The following KIAA1549 variants were observed in gnomAD, a reference collection of about 807,000 sequenced individuals.
KIAA1549 encodes the protein KIAA1549, also known as UPF0606 protein KIAA1549.
KIAA1549 carries 70 observed loss-of-function variants against 156.4 expected under a neutral mutation model. The ratio of observed to expected loss-of-function variants is 0.45; its 90% CI spans 0.37 to 0.55. The LOEUF is 0.55. Among genes scored for constraint, KIAA1549 ranks in the 20% least tolerant of loss-of-function variants. The pLI is 0.00. For synonymous variants in KIAA1549, 1,103 were observed against 1,066.4 expected (o/e 1.03, Z -0.67); for missense variants, 2,428 against 2,540.9 (o/e 0.96, Z 0.96).
chr7:138,969,152 C>A (rs891876261), intron 1 of KIAA1549, among the ~76,000 whole-genome samples: 5 of 152,192 alleles, frequency 3.3e-5, no homozygotes, highest in Non-Finnish European at 5.9e-5. Flanking sequence ...TTAGCTCCCC[C>A]AAATTGACCA....
At chr7:138,856,141 CCT>C (rs1027342458) in intron 16 of KIAA1549, among the ~76,000 whole-genome samples, 3 of 151,828 alleles carry the variant, frequency 2.0e-5, no homozygotes, top group African/African-American at 4.8e-5. Flanking sequence ...ACGCCATTCT[CCT>C]GTCTCAGCCT....
chr7:138,910,187 A>C (rs1196253232), intron 4 of KIAA1549, among the ~76,000 whole-genome samples: 1 of 152,108 alleles, frequency 6.6e-6, no homozygotes, highest in African/African-American at 2.4e-5. Flanking sequence ...CTGTTAAACT[A>C]TTCTACGTAC....
rs1230716907 is a variant in KIAA1549 at position 138,832,803 on chromosome 7, T to G, written c.*5103A>C. The G allele has an allele frequency of 4.5e-6, 1 of 224,466 alleles. No homozygotes were observed. The highest frequency in any genetic ancestry group is 8.9e-6 in the Non-Finnish European group (1 of 112,738). 13.9% of individuals were successfully genotyped at this position (224,466 alleles called of 1,614,324 possible). A position where few individuals can be genotyped will look rare whatever the true frequency, so the allele number is the denominator to read the frequency against. ...ATGATGTTGCGATTTCCAAGTCATC[T>G]TCATAGTGGAGAAAGTAGTCCTGTT... On this transcript the variant is annotated 3_prime_UTR_variant, in exon 20 of 20. Coordinates refer to ENST00000422774, the MANE Select transcript of KIAA1549 (RefSeq NM_001164665.2).
rs1809646203 is a variant in KIAA1549 at position 138,834,526 on chromosome 7, C to G, written c.*3380G>C. ...CATCTTCTATACCCACTCGTGCTAT[C>G]TTAGATTCTAAAATCTCAGAAGGCA... On this transcript the variant is annotated 3_prime_UTR_variant, in exon 20 of 20. Transcript: ENST00000422774. The G allele has an allele frequency of 4.4e-6, 1 of 227,972 alleles. No homozygotes were observed. The allele number at this position is 227,972 out of a possible 1,614,324, so 14.1% of individuals were successfully genotyped here.
At chr7:138,862,570 T>C (rs1352389235) in intron 15 of KIAA1549, among the ~76,000 whole-genome samples, 1 of 151,324 alleles carries the variant, frequency 6.6e-6, no homozygotes, top group Admixed American at 6.6e-5. Context: ...ACAATATCTA[T>C]TTTATGAAAA....
chr7:138,944,270 C>A (rs1005877336), intron 1 of KIAA1549, among the ~76,000 whole-genome samples: 6 of 152,118 alleles, frequency 3.9e-5, no homozygotes, highest in Admixed American at 2.0e-4. Flanking sequence ...ACTTTTCACT[C>A]AAAAGCCACA....
intron 1 of KIAA1549, among the ~76,000 whole-genome samples, chr7:138,942,066 C>T (rs886653335): frequency 6.6e-6 from 1 of 152,128 alleles, no homozygotes; most frequent in African/African-American, 2.4e-5. Context: ...ATCCTTCTCA[C>T]GTCATTGGTG....
chr7:138,963,692 A>G (rs1813924572), intron 1 of KIAA1549, among the ~76,000 whole-genome samples: 1 of 152,238 alleles, frequency 6.6e-6, no homozygotes, highest in Non-Finnish European at 1.5e-5. Context: ...TTTTGAACAA[A>G]GTACTCATTT....
In KIAA1549 at chr7:138,866,958, A is replaced by T. The variant is rs534248145; in HGVS notation, c.4929+1017T>A. On this transcript the variant is annotated intron_variant, in intron 15 of 19. Transcript: ENST00000422774. Reference sequence around the variant, plus strand: ...GCTGGGATTACAGGCATGCACCACCACGCCTGGCTAATTTCTGTATTTTTT... The same window carrying T: ...GCTGGGATTACAGGCATGCACCACCTCGCCTGGCTAATTTCTGTATTTTTT... 1.1e-3 allele frequency among the ~76,000 whole-genome samples: 171 copies of T among 151,944 alleles called. 1 individual carries two copies. The highest frequency in any genetic ancestry group is 3.8e-3 in the African/African-American group (156 of 41,438).
chr7:138,864,233 G>A (rs555636395), intron 15 of KIAA1549, among the ~76,000 whole-genome samples: 8 of 152,296 alleles, frequency 5.3e-5, no homozygotes, highest in Admixed American at 3.9e-4. Flanking sequence ...TGTGGGAAAC[G>A]ATCTCAGACA....
intron 1 of KIAA1549, among the ~76,000 whole-genome samples, chr7:138,945,692 G>A (rs565283653): frequency 2.0e-5 from 3 of 152,320 alleles, no homozygotes; most frequent in African/African-American, 4.8e-5. Context: ...AAACCAGAAC[G>A]CTAACACTTT....
At chr7:138,881,241 C>A (rs6968792) in intron 11 of KIAA1549, 147 bp downstream of exon 11, 2 of 698,340 alleles carry the variant, frequency 2.9e-6, no homozygotes, top group African/African-American at 1.8e-5. Flanking sequence ...TCTTGGGCTC[C>A]TGTGTGACTT....
At chr7:138,854,034 T>C (rs1178681551) in intron 16 of KIAA1549, among the ~76,000 whole-genome samples, 10 of 152,162 alleles carry the variant, frequency 6.6e-5, no homozygotes, top group African/African-American at 2.2e-4. Context: ...AAAAAGAATG[T>C]CATATTTCTA....
In KIAA1549 at chr7:138,837,572, T is replaced by C. The variant is rs1809755917; in HGVS notation, c.*334A>G. ...CTTGGTTCCTTTCATCCCTATGCTG[T>C]CTATACAGTTTAATCTCTACCTTTA... On this transcript the variant is annotated 3_prime_UTR_variant, in exon 20 of 20. Transcript: ENST00000422774. 1 of 476,866 alleles carries C rather than the reference T, an allele frequency of 2.1e-6. No individual in the cohort carries two copies. Among genetic ancestry groups the C allele is most frequent in the Non-Finnish European group, 3.7e-6 (1 of 272,114 alleles). 29.5% of individuals were successfully genotyped at this position (476,866 alleles called of 1,614,324 possible). A position where few individuals can be genotyped will look rare whatever the true frequency, so the allele number is the denominator to read the frequency against.
At chr7:138,854,039 T>A (rs886416008) in intron 16 of KIAA1549, among the ~76,000 whole-genome samples, 1 of 152,174 alleles carries the variant, frequency 6.6e-6, no homozygotes, top group Non-Finnish European at 1.5e-5. Context: ...GAATGTCATA[T>A]TTCTAGGGAC....
intron 3 of KIAA1549, 43 bp from the exon 4 acceptor site, chr7:138,911,366 A>C (rs1207980907): frequency 1.4e-6 from 2 of 1,415,130 alleles, no homozygotes; most frequent in African/African-American, 2.9e-5. Context: ...ACTTAAAGGA[A>C]GTTGTGTTAC....
chr7:138,902,236 G>A (rs558061680), intron 8 of KIAA1549, among the ~76,000 whole-genome samples: 2 of 152,158 alleles, frequency 1.3e-5, no homozygotes, highest in Non-Finnish European at 2.9e-5. Flanking sequence ...GTAATGATGA[G>A]AGGGACACAC....
rs550995312 is a variant in KIAA1549 at position 138,960,233 on chromosome 7, C to T, written c.187+20850G>A. On this transcript the variant is annotated intron_variant, in intron 1 of 19. Transcript: ENST00000422774. ...GGAGGATCACTTGAGGCCAGGAGTT[C>T]GAGACCAGCCTGGGCAACATAGTGA... 1.8e-4 allele frequency among the ~76,000 whole-genome samples: 28 copies of T among 151,496 alleles called. No individual in the cohort carries two copies. In the East Asian group the frequency reaches 4.0e-3, roughly 21 times the overall value.
At chr7:138,851,278 G>A (rs1482165011) in intron 17 of KIAA1549, among the ~76,000 whole-genome samples, 6 of 151,450 alleles carry the variant, frequency 4.0e-5, no homozygotes, top group Non-Finnish European at 5.9e-5. Context: ...ACCTTCTTTT[G>A]GATTATCTTT....
Sources: gnomAD v4.1 joint callset for allele counts (sites outside exome capture counted in the v4.1 genomes callset) on GRCh38, gnomAD v4.1.1 for gene constraint, MANE v1.5 for transcripts, NCBI Gene and HGNC (gene_info 2026-07-23, HGNC 2026-07-21) for gene names.